The following RAPGEF4 variants were observed in gnomAD, a reference collection of about 807,000 sequenced individuals.
The protein encoded by RAPGEF4 is Rap guanine nucleotide exchange factor 4, also known as RAP guanine-nucleotide-exchange factor (GEF) 4.
In RAPGEF4, 66 loss-of-function variants were observed where a neutral mutation model predicts 147.9. That is an observed-to-expected ratio of 0.45 (90% CI 0.37 to 0.55). The LOEUF is 0.55. RAPGEF4 is among the 20% of genes least tolerant of loss of function. The pLI is 0.00. For synonymous variants in RAPGEF4, 419 were observed against 442.7 expected, an observed-to-expected ratio of 0.95 and a Z score of 0.67; for missense variants, 1,071 against 1,257.3, an observed-to-expected ratio of 0.85 and a Z score of 2.24.
intron 6 of RAPGEF4, among the ~76,000 whole-genome samples, chr2:172,927,645 A>G (rs974422791): frequency 6.6e-6 from 1 of 151,762 alleles, no homozygotes; most frequent in Non-Finnish European, 1.5e-5. Context: ...TAAAAAAAAA[A>G]GAAAAAAACC....
intron 3 of RAPGEF4, among the ~76,000 whole-genome samples, chr2:172,808,400 C>T (rs1402384566): frequency 2.0e-5 from 3 of 152,094 alleles, no homozygotes; most frequent in Non-Finnish European, 4.4e-5. Context: ...TTTTGCAGAT[C>T]ATTCAATCCA....
intron 25 of RAPGEF4, among the ~76,000 whole-genome samples, chr2:173,028,595 T>G (rs1696883474): frequency 6.6e-6 from 1 of 152,146 alleles, no homozygotes; most frequent in African/African-American, 2.4e-5. Flanking sequence ...TCCCTCTCCC[T>G]TCTGTTTAGG....
rs755504271 is a variant in RAPGEF4 at position 172,985,450 on chromosome 2, A to G, written c.1107A>G (p.Ala369=). 1 of 1,613,960 alleles carries G rather than the reference A, an allele frequency of 6.2e-7. No individual in the cohort carries two copies. Among genetic ancestry groups the G allele is most frequent in the Non-Finnish European group, 8.5e-7 (1 of 1,179,958 alleles). ...HLSTTVKREL[A]GVLIFESHAK... ...TCTTCTAGGTGAAACGAGAGTTAGC[A>G]GGTGTTCTCATTTTTGAGTCTCACG... is the stretch of plus-strand genomic sequence containing the variant. Residue 369 remains alanine (A), a synonymous_variant, in exon 12 of 31, where the codon GCA becomes GCG. Transcript: ENST00000397081.
chr2:172,942,455 C>G (rs1161494783), intron 6 of RAPGEF4, among the ~76,000 whole-genome samples: 4 of 151,440 alleles, frequency 2.6e-5, no homozygotes, highest in Non-Finnish European at 4.4e-5. Context: ...CTTTAATGAG[C>G]CTTTATTGTT....
Position 172,982,067 on chromosome 2 carries a change from C to G in RAPGEF4, c.1005-1429C>G, listed in dbSNP as rs369777377. 1.1e-4 allele frequency among the ~76,000 whole-genome samples: 16 copies of G among 152,278 alleles called. No homozygotes were observed. In the South Asian group the frequency reaches 1.2e-3, roughly 12 times the overall value. ...TCAGAAAGATATTGTCCCCAGTTTT[C>G]ATATGAGACTAAGACTTTGATGTCA... On this transcript the variant is annotated intron_variant, in intron 10 of 30. Transcript: ENST00000397081.
intron 4 of RAPGEF4, among the ~76,000 whole-genome samples, chr2:172,840,094 A>G (rs1691415266): frequency 6.6e-6 from 1 of 152,080 alleles, no homozygotes; most frequent in African/African-American, 2.4e-5. Flanking sequence ...CTCCATTGAA[A>G]CCTTTGAGCA....
chr2:172,856,288 AG>A (rs534840288), intron 4 of RAPGEF4, among the ~76,000 whole-genome samples: 41 of 152,182 alleles, frequency 2.7e-4, no homozygotes, highest in Non-Finnish European at 5.6e-4. Context: ...TTTTAGTTCT[AG>A]AATTTTCACT....
At chr2:172,932,828 T>G (rs1686132381) in intron 6 of RAPGEF4, among the ~76,000 whole-genome samples, 1 of 152,244 alleles carries the variant, frequency 6.6e-6, no homozygotes, top group Admixed American at 6.5e-5. Flanking sequence ...GTACTTACAT[T>G]TAAATATTCG....
intron 4 of RAPGEF4, among the ~76,000 whole-genome samples, chr2:172,858,639 G>GT (rs1693704762): frequency 6.6e-6 from 1 of 152,232 alleles, no homozygotes; most frequent in Non-Finnish European, 1.5e-5. Flanking sequence ...GCTATGCAGA[G>GT]TTTTAAGCAG....
Position 172,784,708 on chromosome 2 carries a change from C to T in RAPGEF4, c.66-10317C>T, listed in dbSNP as rs537286497. Among the ~76,000 whole-genome samples, 265 of 152,202 alleles carry T rather than the reference C, an allele frequency of 1.7e-3. 3 individuals are homozygous for T. The highest frequency in any genetic ancestry group is 0.012 in the South Asian group (60 of 4,826). On this transcript the variant is annotated intron_variant, in intron 1 of 30. Transcript: ENST00000397081. ...TTAAAATAATAACATAAGTGGTAAA[C>T]ATCTTGAGTTTCAAAGACTTTTGCT...
rs527294844 is a variant in RAPGEF4, at chr2:172,845,208, C to T, written c.444+30783C>T. On this transcript the variant is annotated intron_variant, in intron 4 of 30. Coordinates refer to ENST00000397081, the MANE Select transcript of RAPGEF4 (RefSeq NM_007023.4). The stretch of plus-strand genomic sequence containing the variant: ...TTTGAGTTATGTGGGGACAGGGAGT[C>T]CTTGAGCTTCATGGACCTATAGTAT... Among the ~76,000 whole-genome samples, 17 of 152,280 alleles carry T rather than the reference C, an allele frequency of 1.1e-4. No homozygotes were observed. In the South Asian group the frequency reaches 2.7e-3, roughly 24 times the overall value.
rs1177509746 is a variant in RAPGEF4, at chr2:173,052,017, T to G, written c.*250T>G. On this transcript the variant is annotated 3_prime_UTR_variant, in exon 31 of 31. Transcript: ENST00000397081. ...TGTGGCTACCCTGTTTCATTTCCAC[T>G]TGTGCCATCTTCTTTGCTGAAGTGT... 1.6e-5 allele frequency: 5 copies of G among 311,924 alleles called. No homozygotes were observed. Among genetic ancestry groups the G allele is most frequent in the Admixed American group, 9.2e-5 (2 of 21,844 alleles). The allele number at this position is 311,924 out of a possible 1,614,324, so 19.3% of individuals were successfully genotyped here.
chr2:173,029,177 A>C (rs947146978), intron 25 of RAPGEF4, among the ~76,000 whole-genome samples: 3 of 152,182 alleles, frequency 2.0e-5, no homozygotes, highest in African/African-American at 7.2e-5. Context: ...AGCTTCTCTG[A>C]AATATGTTCT....
chr2:173,018,898 C>T (rs1000288478), intron 22 of RAPGEF4, 96 bp downstream of exon 22: 1 of 1,339,828 alleles, frequency 7.5e-7, no homozygotes, highest in Non-Finnish European at 1.0e-6. Flanking sequence ...GTGAGGCTCA[C>T]CCAGAGGATG....
At chr2:172,792,728 C>T (rs60065179) in intron 1 of RAPGEF4, among the ~76,000 whole-genome samples, 1 of 152,310 alleles carries the variant, frequency 6.6e-6, no homozygotes, top group African/African-American at 2.4e-5. Context: ...GTTCATCTCT[C>T]ATGATGGAAT....
intron 6 of RAPGEF4, among the ~76,000 whole-genome samples, chr2:172,931,178 G>GGC (rs1164910181): frequency 9.4e-6 from 1 of 106,534 alleles, no homozygotes; most frequent in Non-Finnish European, 2.0e-5. Context: ...GGGGTGGGGG[G>GGC]GGGGGGCGCT....
chr2:172,779,454 T>C (rs1684483954), intron 1 of RAPGEF4, among the ~76,000 whole-genome samples: 1 of 152,056 alleles, frequency 6.6e-6, no homozygotes, highest in Non-Finnish European at 1.5e-5. Flanking sequence ...TGCAAGGGCT[T>C]GAAGGTGGGG....
intron 11 of RAPGEF4, among the ~76,000 whole-genome samples, chr2:172,984,088 A>C (rs1177633783): frequency 1.3e-4 from 20 of 152,304 alleles, no homozygotes; most frequent in Non-Finnish European, 2.9e-5. Context: ...ACTAATAAAA[A>C]ATGACCCAGT....
intron 1 of RAPGEF4, among the ~76,000 whole-genome samples, chr2:172,758,881 A>G (rs1308517476): frequency 1.3e-5 from 2 of 152,194 alleles, no homozygotes; most frequent in Non-Finnish European, 2.9e-5. Flanking sequence ...TTTGGGGATC[A>G]TTAATACATA....
Sources: allele counts gnomAD v4.1 joint callset (sites outside exome capture counted in the v4.1 genomes callset), GRCh38; gene constraint gnomAD v4.1.1; transcripts MANE v1.5; gene names NCBI Gene and HGNC (gene_info 2026-07-23, HGNC 2026-07-21).